The following IFT80 variants were observed in gnomAD, a reference collection of about 807,000 sequenced individuals.
IFT80 encodes intraflagellar transport 80, also known as intraflagellar transport protein 80 homolog.
A neutral mutation model predicts 107.9 loss-of-function variants in IFT80; 79 were observed. That is an observed-to-expected ratio of 0.73 (90% CI 0.61 to 0.88). The LOEUF is 0.88. IFT80 is among the 40% of genes least tolerant of loss of function. The pLI is 0.00. For missense variants in IFT80, 797 were observed against 914.2 expected, an observed-to-expected ratio of 0.87 and a Z score of 1.65; for synonymous variants, 299 against 300.9, an observed-to-expected ratio of 0.99 and a Z score of 0.07.
intron 1 of IFT80, among the ~76,000 whole-genome samples, chr3:160,393,581 T>C (rs1220522187): frequency 6.6e-6 from 1 of 152,094 alleles, no homozygotes. Context: ...ATGAGTTCTG[T>C]GGATGGATGG....
At chr3:160,279,465 T>A in intron 15 of IFT80, 101 bp from the exon 16 acceptor site, 1 of 887,754 alleles carries the variant, frequency 1.1e-6, no homozygotes. Flanking sequence ...ACACACGGAG[T>A]CTCCAATCTC....
intron 19 of IFT80, among the ~76,000 whole-genome samples, chr3:160,263,357 A>C (rs752348106): frequency 2.0e-5 from 3 of 152,168 alleles, no homozygotes; most frequent in Non-Finnish European, 2.9e-5. Flanking sequence ...CCTCTAAGCT[A>C]TCTTTCACGT....
At chr3:160,380,207 T>C (rs1344233664) in intron 3 of IFT80, among the ~76,000 whole-genome samples, 1 of 151,970 alleles carries the variant, frequency 6.6e-6, no homozygotes, top group Non-Finnish European at 1.5e-5. Context: ...TAAAATTTTT[T>C]TGTATTTCAG....
chr3:160,322,249 T>C (rs1356948534), intron 8 of IFT80, among the ~76,000 whole-genome samples: 2 of 144,908 alleles, frequency 1.4e-5, no homozygotes, highest in Non-Finnish European at 1.5e-5. Context: ...TGTGTTCTCA[T>C]TGTTCAATTC....
intron 8 of IFT80, among the ~76,000 whole-genome samples, chr3:160,326,307 C>G (rs953395228): frequency 1.3e-5 from 2 of 152,028 alleles, no homozygotes; most frequent in African/African-American, 4.8e-5. Context: ...AGGAGGCACT[C>G]CTCCCTAACT....
At position 160,357,579 on chromosome 3, in the gene IFT80, C is replaced by T. The variant is rs1387602609; in HGVS notation, c.550-1G>A. 1.3e-6 allele frequency: 2 copies of T among 1,577,104 alleles called. No homozygotes were observed. Among genetic ancestry groups the T allele is most frequent in the East Asian group, 2.2e-5 (1 of 44,560 alleles). ...AAATAATGCCATCATGAGCTTTCCA[C>T]TGTGAGAAAAAAGAATAAGATATTA... On this transcript the variant is annotated splice_acceptor_variant, in intron 6 of 19. Transcript: ENST00000326448. LOFTEE classifies it high-confidence loss of function.
At chr3:160,264,004 A>G (rs1472139000) in intron 19 of IFT80, among the ~76,000 whole-genome samples, 6 of 151,984 alleles carry the variant, frequency 3.9e-5, no homozygotes, top group Non-Finnish European at 1.5e-5. Flanking sequence ...GTCTCACTAT[A>G]TTGCCCAGGC....
rs56915671 is a variant in IFT80 at position 160,381,239 on chromosome 3, AATATATAT to A, written c.259+256_259+263del. 2.6e-4 allele frequency among the ~76,000 whole-genome samples: 22 copies of A among 86,270 alleles called. 1 individual carries two copies. The East Asian group carries it at 3.5e-3, about 14-fold the overall frequency. The allele number at this position is 86,270 out of a possible 152,430, so 56.6% of individuals were successfully genotyped here. Reference sequence around the variant, plus strand: ...GCAACAGAGTGAGACCCCATCTCTAAATATATATATATATATATATATATATTAAAGCC... The same window carrying A: ...GCAACAGAGTGAGACCCCATCTCTAAATATATATATATATATATTAAAGCC... On this transcript the variant is annotated intron_variant, in intron 3 of 19. Transcript: ENST00000326448.
intron 18 of IFT80, 109 bp from the exon 19 acceptor site, chr3:160,268,645 C>T: frequency 9.4e-7 from 1 of 1,061,252 alleles, no homozygotes; most frequent in African/African-American, 1.6e-5. Context: ...CTGTTTATTC[C>T]ACAATATGAA....
intron 19 of IFT80, among the ~76,000 whole-genome samples, chr3:160,261,801 C>CAA (rs557472950): frequency 0.019 from 1,296 of 66,708 alleles, 20 homozygotes; most frequent in African/African-American, 0.054. Context: ...GACCCTGTCT[C>CAA]AAAAAAAAAA....
At chr3:160,383,942 GT>G (rs1712718806) in intron 2 of IFT80, 1 of 985,426 alleles carries the variant, frequency 1.0e-6, no homozygotes, top group Non-Finnish European at 1.2e-6. Context: ...AAACAGTTTG[GT>G]TTAAAAAATG....
In IFT80 at chr3:160,282,633, TA is replaced by T; in HGVS notation, c.1381-21del. On this transcript the variant is annotated intron_variant, in intron 13 of 19. Transcript: ENST00000326448. ...TTCATTCTAAAATTTTTTTTAAATG[TA>T]AATACTGGGTTAGTTTTAGTGTTTG... 1 of 1,453,032 alleles carries T rather than the reference TA, an allele frequency of 6.9e-7. No individual in the cohort carries two copies. Among genetic ancestry groups the T allele is most frequent in the Non-Finnish European group, 9.6e-7 (1 of 1,037,752 alleles). The allele number at this position is 1,453,032 out of a possible 1,614,324, so 90.0% of individuals were successfully genotyped here.
chr3:160,384,115 G>C (rs1712740914), intron 2 of IFT80: 1 of 213,272 alleles, frequency 4.7e-6, no homozygotes. Context: ...CATGTTGGCG[G>C]GTGCCTATAA....
At chr3:160,353,148 C>G (rs1485271817) in intron 8 of IFT80, among the ~76,000 whole-genome samples, 1 of 152,158 alleles carries the variant, frequency 6.6e-6, no homozygotes, top group East Asian at 1.9e-4. Context: ...TATTCCTTCT[C>G]TCGAATCACT....
Position 160,303,927 on chromosome 3 carries a change from A to T in IFT80, c.1139T>A (p.Leu380Gln). 1 of 1,607,344 alleles carries T rather than the reference A, an allele frequency of 6.2e-7. No individual in the cohort carries two copies. The highest frequency in any genetic ancestry group is 1.7e-5 in the Admixed American group (1 of 60,000). Reference protein sequence around the residue: ...DLKEGTVSLILQAERHFLLVD... With the variant: ...DLKEGTVSLIQQAERHFLLVD... ...CATAATAAATTACCTTTCTGCCTGC[A>T]GAATCAAACTAACAGTTCCTTCTTT... The change falls in exon 11 of 20, where the codon CTG becomes CAG. Residue 380 changes from leucine to glutamine, a missense_variant. Transcript: ENST00000326448.
In IFT80 at chr3:160,384,589, C is replaced by A; in HGVS notation, c.12G>T (p.Lys4Asn). The change falls in exon 2 of 20, where the codon AAG becomes AAT. Residue 4 changes from lysine to asparagine, a missense_variant. By Grantham distance (94) the Lys-to-Asn change is moderately conservative. Transcript: ENST00000326448. The part of the protein sequence containing the change: MRL[K>N]ISLLKEPKHQ... ...GCTTTGGTTCTTTTAAAAGAGATAT[C>A]TTTAGTCTCATGACTCCACTTCCAG... 5 of 1,541,474 alleles carry A rather than the reference C, an allele frequency of 3.2e-6. No individual in the cohort carries two copies. The highest frequency in any genetic ancestry group is 4.5e-6 in the Non-Finnish European group (5 of 1,114,764).
chr3:160,269,106 G>A (rs1271623409), intron 18 of IFT80, among the ~76,000 whole-genome samples: 1 of 151,880 alleles, frequency 6.6e-6, no homozygotes, highest in African/African-American at 2.4e-5. Context: ...GTACATGCCT[G>A]TAACCCCAAC....
intron 8 of IFT80, chr3:160,342,824 T>C (rs1720012568): frequency 6.6e-6 from 1 of 152,462 alleles, no homozygotes; most frequent in African/African-American, 2.4e-5. Context: ...GCAAGAGATA[T>C]GCTTATGTAT....
intron 6 of IFT80, among the ~76,000 whole-genome samples, chr3:160,361,751 C>T (rs1392248885): frequency 6.6e-6 from 1 of 152,156 alleles, no homozygotes; most frequent in Non-Finnish European, 1.5e-5. Flanking sequence ...TACATGGAAA[C>T]TGAACAACCT....
Sources: allele counts gnomAD v4.1 joint callset (sites outside exome capture counted in the v4.1 genomes callset), GRCh38; gene constraint gnomAD v4.1.1; transcripts MANE v1.5; gene names NCBI Gene and HGNC (gene_info 2026-07-23, HGNC 2026-07-21).